FOCAD: variants seen among roughly 807,000 people sequenced by gnomAD.
FOCAD encodes focadhesin.
FOCAD carries 198 observed loss-of-function variants against 225.6 expected under a neutral mutation model. The observed-to-expected ratio is 0.88, with a 90% confidence interval of 0.78 to 0.99. The LOEUF (loss-of-function observed/expected upper bound fraction) is 0.99, where lower values mean the gene tolerates loss of function less well. Among genes scored for constraint, FOCAD ranks in the 50% least tolerant of loss-of-function variants. FOCAD has a pLI of 0.00. For synonymous variants in FOCAD, 897 were observed against 755.0 expected, an observed-to-expected ratio of 1.19 and a Z score of -3.08; for missense variants, 2,713 against 2,123.6, an observed-to-expected ratio of 1.28 and a Z score of -5.46.
intron 42 of FOCAD, 50 bp downstream of exon 42, chr9:20,990,424 C>T: frequency 6.3e-7 from 1 of 1,597,028 alleles, no homozygotes. Context: ...ATTGTCTCTT[C>T]AGCAGTTTCT....
intron 6 of FOCAD, among the ~76,000 whole-genome samples, chr9:20,763,041 C>T (rs1402254890): frequency 6.6e-6 from 1 of 152,206 alleles, no homozygotes; most frequent in Non-Finnish European, 1.5e-5. Context: ...AGACTGTATG[C>T]TTCTTGAGGA....
At chr9:20,696,894 C>T (rs1823417353) in intron 1 of FOCAD, among the ~76,000 whole-genome samples, 1 of 152,038 alleles carries the variant, frequency 6.6e-6, no homozygotes, top group African/African-American at 2.4e-5. Flanking sequence ...AGGGTGCTAC[C>T]CTCAAGGGTG....
At chr9:20,832,352 G>C (rs779888421) in intron 15 of FOCAD, among the ~76,000 whole-genome samples, 3 of 151,882 alleles carry the variant, frequency 2.0e-5, no homozygotes, top group Non-Finnish European at 2.9e-5. Context: ...CTCCTGGATA[G>C]ATGTTACCAC....
intron 1 of FOCAD, among the ~76,000 whole-genome samples, chr9:20,691,861 C>T (rs1823001343): frequency 6.6e-6 from 1 of 152,132 alleles, no homozygotes; most frequent in Non-Finnish European, 1.5e-5. Flanking sequence ...GCAACCTCCG[C>T]CTCCCGGGTT....
At chr9:20,748,229 G>A (rs938128425) in intron 5 of FOCAD, among the ~76,000 whole-genome samples, 10 of 151,986 alleles carry the variant, frequency 6.6e-5, no homozygotes, top group Non-Finnish European at 1.2e-4. Flanking sequence ...TTATTTTGCT[G>A]AAGTTATAAC....
chr9:20,890,352 G>T (rs1831507081), intron 21 of FOCAD, among the ~76,000 whole-genome samples: 1 of 147,678 alleles, frequency 6.8e-6, no homozygotes, highest in African/African-American at 2.5e-5. Flanking sequence ...TTTCCTTCTA[G>T]TCCTAGATTT....
At chr9:20,680,773 C>T (rs1822378327), upstream of FOCAD, among the ~76,000 whole-genome samples, 2 of 152,078 alleles carry the variant, frequency 1.3e-5, no homozygotes, top group African/African-American at 4.8e-5. Flanking sequence ...TCAAGACCAG[C>T]CTGGACAGCA....
intron 6 of FOCAD, among the ~76,000 whole-genome samples, chr9:20,763,409 T>C (rs1829785625): frequency 6.6e-6 from 1 of 152,140 alleles, no homozygotes; most frequent in Admixed American, 6.6e-5. Flanking sequence ...TGCACTATTA[T>C]TGTGCCTGTG....
chr9:20,763,687 T>G (rs1829810748), intron 6 of FOCAD, among the ~76,000 whole-genome samples: 1 of 152,154 alleles, frequency 6.6e-6, no homozygotes, highest in South Asian at 2.1e-4. Flanking sequence ...GATGGCTTGA[T>G]AAAGACCTGA....
At chr9:20,936,501 A>T (rs982921446) in intron 28 of FOCAD, among the ~76,000 whole-genome samples, 3 of 152,190 alleles carry the variant, frequency 2.0e-5, no homozygotes, top group Non-Finnish European at 2.9e-5. Context: ...CTGGTTTCTC[A>T]AGAAACACTT....
chr9:20,958,137 G>T (rs961538727), intron 35 of FOCAD, among the ~76,000 whole-genome samples: 1 of 151,954 alleles, frequency 6.6e-6, no homozygotes, highest in Non-Finnish European at 1.5e-5. Context: ...ATAATTGACT[G>T]TTTTTTATAG....
intron 35 of FOCAD, among the ~76,000 whole-genome samples, chr9:20,953,544 C>G (rs540058935): frequency 6.6e-6 from 1 of 152,244 alleles, no homozygotes. Context: ...CACATTTGAG[C>G]CTTTGTGATT....
In FOCAD at chr9:20,867,131, C is replaced by T. The variant is rs1829357312; in HGVS notation, c.2190+119C>T. The T allele has an allele frequency of 6.7e-6, 4 of 597,996 alleles. No homozygotes were observed. In the South Asian group the frequency reaches 1.1e-4, roughly 16 times the overall value. 37.0% of individuals were successfully genotyped at this position (597,996 alleles called of 1,614,324 possible). On this transcript the variant is annotated intron_variant, in intron 18 of 43. Transcript: ENST00000338382. ...TATACATAACCCTAGATCTGTTGTCCATGCAAGATACAAATTCATACCCAT... is the reference window on the plus strand; with the variant it reads ...TATACATAACCCTAGATCTGTTGTCTATGCAAGATACAAATTCATACCCAT...
intron 11 of FOCAD, among the ~76,000 whole-genome samples, chr9:20,814,367 T>C (rs776219264): frequency 7.9e-5 from 12 of 152,032 alleles, no homozygotes; most frequent in Non-Finnish European, 1.5e-4. Context: ...TTTTCTTTTT[T>C]TTTTCTGAGA....
At chr9:20,920,832 A>C (rs1472650770) in intron 24 of FOCAD, among the ~76,000 whole-genome samples, 1 of 150,398 alleles carries the variant, frequency 6.6e-6, no homozygotes, top group East Asian at 2.0e-4. Flanking sequence ...GGGAGTGGGG[A>C]GGGATAGCAT....
intron 3 of FOCAD, among the ~76,000 whole-genome samples, chr9:20,719,120 C>T (rs183922955): frequency 1.4e-3 from 218 of 151,966 alleles, no homozygotes; most frequent in African/African-American, 5.0e-3. Flanking sequence ...CTGGCTCTGT[C>T]GCCCAGCCTG....
chr9:20,864,424 T>C (rs1489812774), intron 16 of FOCAD, among the ~76,000 whole-genome samples: 2 of 152,086 alleles, frequency 1.3e-5, no homozygotes, highest in Non-Finnish European at 2.9e-5. Context: ...TCCAAACTTT[T>C]CCATTTCTTT....
chr9:20,658,368 T>G (rs1473664929), exon 1 of FOCAD: 1 of 171,372 alleles, frequency 5.8e-6, no homozygotes, highest in Non-Finnish European at 1.2e-5. Context: ...CGGGCGCCCC[T>G]CCCGCAGCCT....
chr9:20,866,812 T>C (rs1829302715), intron 17 of FOCAD, 117 bp from the exon 18 acceptor site: 1 of 617,056 alleles, frequency 1.6e-6, no homozygotes, highest in Non-Finnish European at 2.7e-6. Flanking sequence ...TGTAGAACTT[T>C]GGGATTGGTG....
Sources: allele counts gnomAD v4.1 joint callset (sites outside exome capture counted in the v4.1 genomes callset), GRCh38; gene constraint gnomAD v4.1.1; transcripts MANE v1.5; gene names NCBI Gene and HGNC (gene_info 2026-07-23, HGNC 2026-07-21).